Variants in ITGA1 observed in about 807,000 individuals in gnomAD.
ITGA1 encodes integrin alpha-1.
Under a neutral mutation model 145.9 loss-of-function variants are expected in ITGA1, and 85 were observed. The ratio of observed to expected loss-of-function variants is 0.58; its 90% CI spans 0.49 to 0.70. ITGA1 has a LOEUF of 0.70. ITGA1 is among the 30% of genes least tolerant of loss of function. ITGA1 has a pLI of 0.00. For missense variants in ITGA1, 1,351 were observed against 1,418.7 expected (o/e 0.95, Z 0.77); for synonymous variants, 520 against 495.3 (o/e 1.05, Z -0.66).
chr5:52,831,544 A>T (rs1438102834), intron 1 of ITGA1, among the ~76,000 whole-genome samples: 2 of 151,680 alleles, frequency 1.3e-5, no homozygotes, highest in Non-Finnish European at 2.9e-5. Context: ...AAAAGAAAAA[A>T]AAACTCTAGA....
intron 3 of ITGA1, among the ~76,000 whole-genome samples, chr5:52,862,301 G>A (rs1749619353): frequency 3.3e-5 from 5 of 151,790 alleles, no homozygotes. Context: ...GTGTCAGAAT[G>A]GTCGAGCGGT....
chr5:52,908,984 G>A lies in ITGA1; in HGVS notation c.1542G>A (p.Met514Ile). 3 of 1,613,896 alleles carry A rather than the reference G, an allele frequency of 1.9e-6. No individual in the cohort carries two copies. The highest frequency in any genetic ancestry group is 2.5e-6 in the Non-Finnish European group (3 of 1,179,848). ...ACATTCTTCTAGTCGGAGCCCCTAT[G>A]TACATGGGAACAGAGAAGGAGGAGC... ...NTDILLVGAP[M>I]YMGTEKEEQG... The change falls in exon 13 of 29, where the codon ATG becomes ATA. Residue 514 changes from methionine (M) to isoleucine (I), a missense_variant. Met to Ile is a conservative substitution (Grantham distance 10, BLOSUM62 1). Transcript: ENST00000282588.
Position 52,910,537 on chromosome 5 carries a change from T to G in ITGA1, c.1857+118T>G. The G allele has an allele frequency of 7.4e-6, 8 of 1,085,726 alleles. No individual in the cohort carries two copies. The South Asian group carries it at 1.3e-4, about 18-fold the overall frequency. 67.3% of individuals were successfully genotyped at this position (1,085,726 alleles called of 1,614,324 possible). A position where few individuals can be genotyped will look rare whatever the true frequency, so the allele number is the denominator to read the frequency against. The stretch of plus-strand genomic sequence containing the variant: ...CTTCCTCCTGACCTTATTGGGAAAC[T>G]GGATTTAATTCTCTTTAAGTGTTTT... On this transcript the variant is annotated intron_variant, in intron 14 of 28. Transcript: ENST00000282588.
intron 7 of ITGA1, among the ~76,000 whole-genome samples, chr5:52,885,173 C>T (rs1196423340): frequency 6.6e-6 from 1 of 152,102 alleles, no homozygotes; most frequent in Non-Finnish European, 1.5e-5. Context: ...TCCACCTGTT[C>T]AGCAACCTGG....
At chr5:52,927,507 T>C (rs768012583) in intron 19 of ITGA1, 77 bp from the exon 20 acceptor site, 23 of 997,838 alleles carry the variant, frequency 2.3e-5, no homozygotes, top group Admixed American at 6.0e-5. Context: ...AAGACACATC[T>C]GGGAAAATTC....
chr5:52,916,275 CAT>C (rs1345344724), intron 15 of ITGA1, among the ~76,000 whole-genome samples: 1 of 152,060 alleles, frequency 6.6e-6, no homozygotes, highest in Non-Finnish European at 1.5e-5. Context: ...GAGAAATCCA[CAT>C]GATAATTTTG....
chr5:52,938,109 AC>A (rs978921036), intron 24 of ITGA1, among the ~76,000 whole-genome samples: 12 of 152,244 alleles, frequency 7.9e-5, no homozygotes, highest in African/African-American at 2.9e-4. Flanking sequence ...ATCTTTGGGG[AC>A]CACTATTCAA....
chr5:52,880,226 A>G (rs558067086), intron 6 of ITGA1, among the ~76,000 whole-genome samples: 74 of 152,002 alleles, frequency 4.9e-4, no homozygotes, highest in African/African-American at 1.7e-3. Flanking sequence ...ACTTCACTAT[A>G]GGGATTGGGT....
At chr5:52,846,307 G>A (rs1304935429) in intron 1 of ITGA1, among the ~76,000 whole-genome samples, 1 of 152,108 alleles carries the variant, frequency 6.6e-6, no homozygotes, top group Non-Finnish European at 1.5e-5. Context: ...AGAGGCTGAG[G>A]CATGAGAATA....
chr5:52,863,122 A>G (rs968337474), intron 3 of ITGA1, among the ~76,000 whole-genome samples: 4 of 152,160 alleles, frequency 2.6e-5, no homozygotes, highest in Non-Finnish European at 5.9e-5. Context: ...ATGCCTGTGA[A>G]TAGTCTTAAC....
chr5:52,805,980 C>A (rs1271088267), intron 1 of ITGA1, among the ~76,000 whole-genome samples: 4 of 152,026 alleles, frequency 2.6e-5, no homozygotes, highest in Admixed American at 1.3e-4. Flanking sequence ...AGCAGTGAAG[C>A]ACAACTAAAG....
chr5:52,815,125 T>C (rs527345808), intron 1 of ITGA1, among the ~76,000 whole-genome samples: 1 of 152,248 alleles, frequency 6.6e-6, no homozygotes, highest in Admixed American at 6.5e-5. Context: ...CTAGCAAATA[T>C]ATCCAGATTT....
chr5:52,934,382 A>C (rs1750935720), intron 23 of ITGA1, among the ~76,000 whole-genome samples: 1 of 151,730 alleles, frequency 6.6e-6, no homozygotes, highest in Non-Finnish European at 1.5e-5. Context: ...AGTGTGACTG[A>C]GAAAAGCACT....
chr5:52,856,488 A>G (rs1749513246), intron 2 of ITGA1, among the ~76,000 whole-genome samples: 1 of 152,124 alleles, frequency 6.6e-6, no homozygotes. Context: ...CATCCACTAT[A>G]AAAACACCTT....
At chr5:52,905,152 T>C (rs1195350944) in intron 11 of ITGA1, 1 of 152,182 alleles carries the variant, frequency 6.6e-6, no homozygotes, top group African/African-American at 2.4e-5. Context: ...TGAAATGTAC[T>C]GTCAAAAAAT....
intron 19 of ITGA1, among the ~76,000 whole-genome samples, chr5:52,926,374 G>A (rs1225847150): frequency 1.3e-5 from 2 of 152,150 alleles, no homozygotes; most frequent in East Asian, 1.9e-4. Context: ...AGACCGAGGC[G>A]GGCAAATCAC....
At chr5:52,910,491 A>G in intron 14 of ITGA1, 72 bp downstream of exon 14, 3 of 1,476,956 alleles carry the variant, frequency 2.0e-6, no homozygotes, top group Non-Finnish European at 2.8e-6. Context: ...TACCTGTCTA[A>G]CTTCATGAGT....
At chr5:52,889,078 T>C (rs1750100938) in intron 8 of ITGA1, among the ~76,000 whole-genome samples, 1 of 143,532 alleles carries the variant, frequency 7.0e-6, no homozygotes, top group Admixed American at 7.0e-5. Context: ...TACATTATAG[T>C]ATTTCAGTTG....
At chr5:52,917,646 T>G (rs1022435584) in intron 15 of ITGA1, among the ~76,000 whole-genome samples, 2 of 152,198 alleles carry the variant, frequency 1.3e-5, no homozygotes, top group African/African-American at 4.8e-5. Flanking sequence ...TAATATAATG[T>G]TTTAAAAATT....
Sources: gnomAD v4.1 joint callset for allele counts (sites outside exome capture counted in the v4.1 genomes callset) on GRCh38, gnomAD v4.1.1 for gene constraint, MANE v1.5 for transcripts, NCBI Gene and HGNC (gene_info 2026-07-23, HGNC 2026-07-21) for gene names.